Variants in GLIS3 observed in about 807,000 individuals in gnomAD.
The protein encoded by GLIS3 is GLIS family zinc finger 3.
GLIS3 carries 53 observed loss-of-function variants against 78.6 expected under a neutral mutation model. The ratio of observed to expected loss-of-function variants is 0.67; its 90% CI spans 0.54 to 0.85. The LOEUF is 0.85. GLIS3 is among the 40% of genes least tolerant of loss of function. GLIS3 has a pLI of 0.00. For missense variants in GLIS3, 1,703 were observed against 1,231.1 expected (o/e 1.38, Z -5.74); for synonymous variants, 684 against 509.9 (o/e 1.34, Z -4.60).
At position 3,908,088 on chromosome 9, in the gene GLIS3, T is replaced by G. The variant is rs2130663842; in HGVS notation, c.1984-9253A>C. On this transcript the variant is annotated intron_variant, in intron 6 of 10. Coordinates refer to ENST00000381971, the MANE Select transcript of GLIS3 (RefSeq NM_001042413.2). ...CTAAGTGTGGAGACTAAATTAAAAC[T>G]AAGACCTTAATTTGCCAGAACAATA... Among the ~76,000 whole-genome samples the G allele has an allele frequency of 1.3e-5, 2 of 152,324 alleles. 1 individual carries two copies. Among genetic ancestry groups the G allele is most frequent in the East Asian group, 3.9e-4 (2 of 5,184 alleles).
At chr9:4,126,730 A>G (rs952524157) in intron 2 of GLIS3, among the ~76,000 whole-genome samples, 4 of 152,216 alleles carry the variant, frequency 2.6e-5, no homozygotes, top group African/African-American at 9.6e-5. Context: ...AAAAATCATA[A>G]TGAGCTGAAT....
chr9:4,205,963 T>G (rs1563753926), intron 2 of GLIS3, among the ~76,000 whole-genome samples: 1 of 152,244 alleles, frequency 6.6e-6, no homozygotes. Context: ...AGTTTGTTTT[T>G]GTTCATTGTT....
chr9:3,930,716 A>G (rs1230616902), intron 6 of GLIS3, among the ~76,000 whole-genome samples: 1 of 152,208 alleles, frequency 6.6e-6, no homozygotes, highest in Non-Finnish European at 1.5e-5. Flanking sequence ...TAATCTCTAC[A>G]AGGGTACTTT....
the GLIS3 span, among the ~76,000 whole-genome samples, chr9:4,396,264 C>T: frequency 6.6e-6 from 1 of 152,132 alleles, no homozygotes; most frequent in Admixed American, 6.5e-5. Flanking sequence ...AGGCATCCAC[C>T]ACTATGCCTA....
intron 2 of GLIS3, among the ~76,000 whole-genome samples, chr9:4,259,853 C>G (rs1825342359): frequency 6.6e-6 from 1 of 152,180 alleles, no homozygotes; most frequent in African/African-American, 2.4e-5. Flanking sequence ...AAATCTCCTT[C>G]TTTGCCATGT....
chr9:4,393,645 G>A, the GLIS3 span, among the ~76,000 whole-genome samples: 1 of 152,098 alleles, frequency 6.6e-6, no homozygotes, highest in East Asian at 1.9e-4. Context: ...CAGTTATTTT[G>A]TAAAATGTCC....
chr9:4,327,133 T>C (rs1316053033), intron 2 of GLIS3, among the ~76,000 whole-genome samples: 1 of 152,034 alleles, frequency 6.6e-6, no homozygotes, highest in Admixed American at 6.6e-5. Context: ...AAAGATTGAT[T>C]GAGAGTTAAT....
intron 4 of GLIS3, among the ~76,000 whole-genome samples, chr9:4,045,813 C>T (rs1411050253): frequency 6.6e-6 from 1 of 152,068 alleles, no homozygotes; most frequent in Non-Finnish European, 1.5e-5. Context: ...TGTTCCGCCC[C>T]GTCAGATATC....
In GLIS3 at chr9:4,286,268, C is replaced by G. The variant is rs767855855; in HGVS notation, c.158G>C (p.Ser53Thr). 4 of 1,614,086 alleles carry G rather than the reference C, an allele frequency of 2.5e-6. No homozygotes were observed. Among genetic ancestry groups the G allele is most frequent in the Non-Finnish European group, 2.5e-6 (3 of 1,180,042 alleles). The change falls in exon 2 of 11, where the codon AGC (serine) becomes ACC (threonine). Residue 53 changes from serine to threonine, a missense_variant. Coordinates refer to ENST00000381971, the MANE Select transcript of GLIS3 (RefSeq NM_001042413.2). ...CGSTSSPTMA[S>T]LANNLHLKMP... The stretch of plus-strand genomic sequence containing the variant: ...CTTGAGATGGAGGTTGTTAGCAAGG[C>G]TTGCCATAGTGGGACTCGATGTGCT...
intron 9 of GLIS3, among the ~76,000 whole-genome samples, chr9:3,831,425 C>A (rs888267152): frequency 6.6e-6 from 1 of 152,194 alleles, no homozygotes; most frequent in Non-Finnish European, 1.5e-5. Context: ...GATAAAATGT[C>A]ACATTCTACC....
chr9:3,966,052 C>G (rs927528409), intron 4 of GLIS3, among the ~76,000 whole-genome samples: 3 of 152,198 alleles, frequency 2.0e-5, no homozygotes, highest in African/African-American at 7.2e-5. Context: ...ACAGAAAACT[C>G]AGGTTAAAAA....
chr9:4,457,994 CAA>C, the GLIS3 span, among the ~76,000 whole-genome samples: 2 of 152,092 alleles, frequency 1.3e-5, no homozygotes, highest in African/African-American at 4.8e-5. Context: ...AAACCCCACT[CAA>C]AGCTGTTCAA....
the GLIS3 span, among the ~76,000 whole-genome samples, chr9:4,361,472 A>G: frequency 2.6e-5 from 4 of 152,308 alleles, no homozygotes; most frequent in African/African-American, 9.6e-5. Flanking sequence ...TATAAATACA[A>G]TAGGGTTGAC....
chr9:4,283,327 G>A lies in GLIS3; in HGVS notation c.388+2711C>T, dbSNP rs111899744. Among the ~76,000 whole-genome samples the A allele has an allele frequency of 8.3e-3, 1,247 of 150,066 alleles. 7 individuals carry two copies. Among genetic ancestry groups the A allele is most frequent in the Non-Finnish European group, 0.013 (856 of 67,738 alleles). On this transcript the variant is annotated intron_variant, in intron 2 of 10. Transcript: ENST00000381971. ...CTTGCCCCGGCTGGAGTGCAATGGC[G>A]CAATCTCTGCTCACTGCAATCTCTG...
intron 2 of GLIS3, among the ~76,000 whole-genome samples, chr9:4,178,642 T>C (rs187811201): frequency 9.6e-4 from 146 of 152,314 alleles, no homozygotes; most frequent in African/African-American, 3.4e-3. Context: ...CCACAGTTTA[T>C]CATAAACACA....
intron 2 of GLIS3, among the ~76,000 whole-genome samples, chr9:4,161,693 T>TC: frequency 6.6e-6 from 1 of 150,476 alleles, no homozygotes; most frequent in Admixed American, 6.6e-5. Context: ...TTTTTTTTTT[T>TC]TTGAGACAGA....
intron 2 of GLIS3, among the ~76,000 whole-genome samples, chr9:4,205,065 A>T (rs902042091): frequency 6.6e-6 from 1 of 151,724 alleles, no homozygotes. Context: ...AATCCCAGCT[A>T]CTTGGGAGGC....
intron 6 of GLIS3, among the ~76,000 whole-genome samples, chr9:3,924,733 G>A (rs1825112786): frequency 6.6e-6 from 1 of 152,218 alleles, no homozygotes; most frequent in African/African-American, 2.4e-5. Flanking sequence ...CTTTGGTGGG[G>A]ATGGAGAGGG....
At chr9:4,455,528 G>A in the GLIS3 span, among the ~76,000 whole-genome samples, 157 of 152,204 alleles carry the variant, frequency 1.0e-3, 1 homozygote, top group African/African-American at 3.7e-3. Flanking sequence ...AGTTATCCTG[G>A]GTGGATCATA....
Sources: allele counts gnomAD v4.1 joint callset (sites outside exome capture counted in the v4.1 genomes callset), GRCh38; gene constraint gnomAD v4.1.1; transcripts MANE v1.5; gene names NCBI Gene and HGNC (gene_info 2026-07-23, HGNC 2026-07-21).